Variants in CSNK1G1 observed in about 807,000 individuals in gnomAD.
CSNK1G1 encodes casein kinase 1 gamma 1.
A neutral mutation model predicts 59.6 loss-of-function variants in CSNK1G1; 22 were observed. The observed-to-expected ratio is 0.37, with a 90% CI of 0.26 to 0.53. CSNK1G1 has a LOEUF of 0.53. CSNK1G1 is among the 20% of genes least tolerant of loss of function. CSNK1G1 has a pLI of 0.89. For synonymous variants in CSNK1G1, 179 were observed against 177.1 expected, an observed-to-expected ratio of 1.01 and a Z score of -0.08; for missense variants, 384 against 519.5, an observed-to-expected ratio of 0.74 and a Z score of 2.54.
intron 4 of CSNK1G1, among the ~76,000 whole-genome samples, chr15:64,227,794 C>T (rs1298120801): frequency 6.6e-6 from 1 of 152,174 alleles, no homozygotes; most frequent in East Asian, 1.9e-4. Flanking sequence ...TGTGAAATCT[C>T]CTAGGTTCCC....
At chr15:64,219,717 C>T (rs2082360324) in intron 4 of CSNK1G1, among the ~76,000 whole-genome samples, 2 of 152,190 alleles carry the variant, frequency 1.3e-5, no homozygotes, top group East Asian at 3.9e-4. Context: ...GCTTTGACCT[C>T]CCAAGTGCTA....
chr15:64,300,487 T>G lies in CSNK1G1; in HGVS notation c.13A>C (p.Ser5Arg), dbSNP rs769626787. 6.2e-7 allele frequency: 1 copy of G among 1,614,064 alleles called. No homozygotes were observed. The highest frequency in any genetic ancestry group is 1.1e-5 in the South Asian group (1 of 91,072). ...CGTTGTCTTTCATCCTTTTCCCTAC[T>G]AGGATGGTCCATGATCCTACAGGAC... The part of the protein sequence containing the change: MDHP[S>R]REKDERQRTT... The change falls in exon 2 of 12, where the codon AGT (serine) becomes CGT (arginine). Residue 5 changes from serine to arginine, a missense_variant. Coordinates refer to ENST00000303052, the MANE Select transcript of CSNK1G1 (RefSeq NM_022048.5).
intron 11 of CSNK1G1, among the ~76,000 whole-genome samples, chr15:64,173,560 C>T (rs1276286331): frequency 6.6e-6 from 1 of 151,626 alleles, no homozygotes; most frequent in Non-Finnish European, 1.5e-5. Flanking sequence ...TCAGTGGAAA[C>T]CCTGGATAAG....
Position 64,204,434 on chromosome 15 carries a change from T to C in CSNK1G1, c.999+7A>G, listed in dbSNP as rs752606107. ...GGTTAAAAAAAAAAAAAAAAAAGGATACTTACAATAGGTCTCCCAACCCAA... is the reference window on the plus strand; with the variant it reads ...GGTTAAAAAAAAAAAAAAAAAAGGACACTTACAATAGGTCTCCCAACCCAA... On this transcript the variant is annotated splice_region_variant and intron_variant, in intron 9 of 11. Transcript: ENST00000303052. The C allele has an allele frequency of 1.0e-4, 147 of 1,475,832 alleles. No individual in the cohort carries two copies. The highest frequency in any genetic ancestry group is 1.3e-4 in the Non-Finnish European group (143 of 1,101,996). The allele number at this position is 1,475,832 out of a possible 1,614,324, so 91.4% of individuals were successfully genotyped here.
rs1596262528 is a variant in CSNK1G1 at position 64,313,143 on chromosome 15, C to T, written c.-224-12420G>A. On this transcript the variant is annotated intron_variant, in intron 1 of 11. Transcript: ENST00000303052. ...GTGGAGAAATAGGAATGCTTTTACA[C>T]TGTTGGTGGGAGTGTACATTAGTTC... 4.6e-5 allele frequency among the ~76,000 whole-genome samples: 7 copies of T among 152,328 alleles called. 1 individual carries two copies. The highest frequency in any genetic ancestry group is 1.7e-4 in the African/African-American group (7 of 41,578).
At chr15:64,272,740 G>C (rs1461887077) in intron 2 of CSNK1G1, among the ~76,000 whole-genome samples, 1 of 151,758 alleles carries the variant, frequency 6.6e-6, no homozygotes, top group African/African-American at 2.4e-5. Context: ...AAGATCTCTT[G>C]TAAGGCAGGT....
At chr15:64,187,043 AATCACTTG>A (rs1484502742) in intron 10 of CSNK1G1, among the ~76,000 whole-genome samples, 13 of 151,916 alleles carry the variant, frequency 8.6e-5, no homozygotes, top group Admixed American at 5.9e-4. Flanking sequence ...GGATGGTCTC[AATCACTTG>A]ACCTTGTGAT....
Position 64,300,405 on chromosome 15 carries a change from G to A in CSNK1G1, c.95C>T (p.Ser32Leu). 6.2e-7 allele frequency: 1 copy of A among 1,614,188 alleles called. No individual in the cohort carries two copies. Among genetic ancestry groups the A allele is most frequent in the Non-Finnish European group, 8.5e-7 (1 of 1,180,024 alleles). Reference sequence around the variant, plus strand: ...CACCATAAGAACCCCAGAGGACGATGAGGAGCCAGATGGTCGAGAGCAGTG... The same window carrying A: ...CACCATAAGAACCCCAGAGGACGATAAGGAGCCAGATGGTCGAGAGCAGTG... ...SAHCSRPSGS[S>L]SSSGVLMVGP... is the part of the protein sequence containing the mutation. Residue 32 changes from serine to leucine, a missense_variant, in exon 2 of 12, where the codon TCA (serine) becomes TTA (leucine). Coordinates refer to ENST00000303052, the MANE Select transcript of CSNK1G1 (RefSeq NM_022048.5).
rs1226581541 is a variant in CSNK1G1 at position 64,214,022 on chromosome 15, T to G, written c.547A>C (p.Ile183Leu). The change falls in exon 6 of 12, where the codon ATA becomes CTA. Residue 183 changes from isoleucine (I) to leucine (L), a missense_variant. Around this residue, in one of 3 missense-constraint regions of CSNK1G1, gnomAD observed 325 missense variants for 440.9 expected, o/e 0.74. Coordinates refer to ENST00000303052, the MANE Select transcript of CSNK1G1 (RefSeq NM_022048.5). The surrounding 1 kb of genome is among the most constrained non-coding windows in gnomAD (Gnocchi z 4.3). The part of the protein sequence containing the change: ...GRQGNKKEHV[I>L]HIIDFGLAKE... ...GCCAGTCCAAAGTCTATAATGTGTA[T>G]AACATGCTCTTTCTTATTGCCTTGT... 6.2e-7 allele frequency: 1 copy of G among 1,613,998 alleles called. No individual in the cohort carries two copies. Among genetic ancestry groups the G allele is most frequent in the African/African-American group, 1.3e-5 (1 of 74,920 alleles).
Position 64,188,486 on chromosome 15 carries a change from C to G in CSNK1G1, c.1108-8032G>C. 1 of 1,535,450 alleles carries G rather than the reference C, an allele frequency of 6.5e-7. No individual in the cohort carries two copies. Among genetic ancestry groups the G allele is most frequent in the East Asian group, 2.4e-5 (1 of 40,924 alleles). On this transcript the variant is annotated intron_variant, in intron 10 of 11. Transcript: ENST00000303052. The surrounding 1 kb of genome is among the most constrained non-coding windows in gnomAD (Gnocchi z 4.2). The stretch of plus-strand genomic sequence containing the variant: ...CTCCTCGGCGCTCTGATGATACATT[C>G]TGCTTAGGCGTTAGAAAGCATGAGA...
chr15:64,199,534 G>C (rs1288561515), intron 10 of CSNK1G1, among the ~76,000 whole-genome samples: 1 of 152,108 alleles, frequency 6.6e-6, no homozygotes, highest in Non-Finnish European at 1.5e-5. Flanking sequence ...ATTCACTGAA[G>C]CAGGAAAGTA....
At chr15:64,311,590 C>G (rs916818568) in intron 1 of CSNK1G1, among the ~76,000 whole-genome samples, 5 of 148,456 alleles carry the variant, frequency 3.4e-5, no homozygotes, top group Non-Finnish European at 5.9e-5. Flanking sequence ...GAATTCGAAG[C>G]TGACATGCAT....
chr15:64,314,582 AAC>A (rs76668214), intron 1 of CSNK1G1, among the ~76,000 whole-genome samples: 1 of 151,758 alleles, frequency 6.6e-6, no homozygotes, highest in East Asian at 1.9e-4. Context: ...AAAAAAAAAA[AAC>A]ATATCCCTCA....
In CSNK1G1 at chr15:64,251,352, G is replaced by A. The variant is rs867086104; in HGVS notation, c.292+160C>T. On this transcript the variant is annotated intron_variant, in intron 4 of 11. Transcript: ENST00000303052. ...TCAACTCAACTCCAGGAACCAGAGC[G>A]CAAGTAGCTTTGTGGTTGACTATGT... 19 of 547,882 alleles carry A rather than the reference G, an allele frequency of 3.5e-5. No individual in the cohort carries two copies. In the Middle Eastern group the frequency reaches 1.6e-3, roughly 45 times the overall value. The allele number at this position is 547,882 out of a possible 1,614,324, so 33.9% of individuals were successfully genotyped here. A position where few individuals can be genotyped will look rare whatever the true frequency, so the allele number is the denominator to read the frequency against.
intron 4 of CSNK1G1, among the ~76,000 whole-genome samples, chr15:64,236,463 C>G (rs2082618361): frequency 6.6e-6 from 1 of 151,986 alleles, no homozygotes; most frequent in African/African-American, 2.4e-5. Context: ...CGCAAATAAT[C>G]CAATTTAAAA....
intron 1 of CSNK1G1, among the ~76,000 whole-genome samples, chr15:64,312,001 T>C (rs1896022338): frequency 6.6e-6 from 1 of 152,160 alleles, no homozygotes; most frequent in African/African-American, 2.4e-5. Context: ...TAAACTCCCA[T>C]TTACAACTGC....
intron 1 of CSNK1G1, among the ~76,000 whole-genome samples, chr15:64,349,246 A>C (rs1898147853): frequency 6.6e-6 from 1 of 152,138 alleles, no homozygotes; most frequent in African/African-American, 2.4e-5. Flanking sequence ...TATAAGCAGC[A>C]GAAATCCATG....
chr15:64,269,736 C>T (rs1192871732), intron 2 of CSNK1G1, among the ~76,000 whole-genome samples: 1 of 151,972 alleles, frequency 6.6e-6, no homozygotes, highest in Admixed American at 6.6e-5. Context: ...TCAGGTGATC[C>T]GCCCACCTCA....
At chr15:64,223,136 G>A (rs1190255357) in intron 4 of CSNK1G1, among the ~76,000 whole-genome samples, 1 of 152,052 alleles carries the variant, frequency 6.6e-6, no homozygotes, top group Non-Finnish European at 1.5e-5. Flanking sequence ...GGTCTGTGCT[G>A]GTGGTAAAAG....
Sources: allele counts gnomAD v4.1 joint callset (sites outside exome capture counted in the v4.1 genomes callset), GRCh38; gene constraint gnomAD v4.1.1; regional missense constraint gnomAD v4.1.1; non-coding constraint Gnocchi (gnomAD v3.1); transcripts MANE v1.5; gene names NCBI Gene and HGNC (gene_info 2026-07-23, HGNC 2026-07-21).